Variants in CNTNAP2 observed in about 807,000 individuals in gnomAD.
CNTNAP2 encodes contactin associated protein 2, also known as contactin-associated protein-like 2.
In CNTNAP2, 98 loss-of-function variants were observed where a neutral mutation model predicts 155.2. The observed-to-expected ratio is 0.63, with a 90% confidence interval of 0.54 to 0.75. CNTNAP2 has a LOEUF of 0.75. Among genes scored for constraint, CNTNAP2 ranks in the 30% least tolerant of loss-of-function variants. The pLI is 0.00. For synonymous variants in CNTNAP2, 651 were observed against 631.2 expected (o/e 1.03, Z -0.47); for missense variants, 1,727 against 1,688.1 (o/e 1.02, Z -0.40).
intron 8 of CNTNAP2, among the ~76,000 whole-genome samples, chr7:147,290,069 T>C (rs1206712913): frequency 6.6e-6 from 1 of 152,202 alleles, no homozygotes; most frequent in East Asian, 1.9e-4. Flanking sequence ...TTGGCAACTA[T>C]TGAACCATTT....
Position 146,568,000 on chromosome 7 carries a change from T to C in CNTNAP2, c.98-206271T>C, listed in dbSNP as rs549593159. On this transcript the variant is annotated intron_variant, in intron 1 of 23. Transcript: ENST00000361727. ...TCAAATTTGACAATGTAGAAAACTA[T>C]AATATTTTATTTCAAGAAATGTGTA... Among the ~76,000 whole-genome samples, 94 of 152,294 alleles carry C rather than the reference T, an allele frequency of 6.2e-4. 2 individuals carry two copies. In the South Asian group the frequency reaches 0.014, roughly 22 times the overall value.
intron 11 of CNTNAP2, among the ~76,000 whole-genome samples, chr7:147,509,097 T>C (rs1798968699): frequency 1.3e-5 from 2 of 152,238 alleles, no homozygotes; most frequent in African/African-American, 2.4e-5. Context: ...TATAATGCTT[T>C]GTACACGTCT....
In CNTNAP2 at chr7:148,144,794, C is replaced by G. The variant is rs78280507; in HGVS notation, c.2555-2697C>G. Among the ~76,000 whole-genome samples the G allele has an allele frequency of 1.5e-4, 23 of 152,322 alleles. No individual in the cohort carries two copies. In the East Asian group the frequency reaches 4.3e-3, roughly 28 times the overall value. On this transcript the variant is annotated intron_variant, in intron 16 of 23. Transcript: ENST00000361727. ...AACAGGGCAACACTTCAGTCTCCAA[C>G]TGGAGACACACATTAAGCGAGGACA...
chr7:147,489,304 C>A (rs564678509), intron 11 of CNTNAP2, among the ~76,000 whole-genome samples: 8 of 152,252 alleles, frequency 5.3e-5, no homozygotes, highest in African/African-American at 1.9e-4. Flanking sequence ...GATGAGTAGA[C>A]AACTCAATCC....
chr7:147,588,546 A>G (rs1043807469), intron 12 of CNTNAP2, among the ~76,000 whole-genome samples: 1 of 152,128 alleles, frequency 6.6e-6, no homozygotes, highest in Admixed American at 6.6e-5. Context: ...CTAGGTTTTA[A>G]TTTTTGACTA....
chr7:146,371,004 G>A (rs1383981744), intron 1 of CNTNAP2, among the ~76,000 whole-genome samples: 1 of 151,892 alleles, frequency 6.6e-6, no homozygotes, highest in Non-Finnish European at 1.5e-5. Flanking sequence ...TGATAGCTAA[G>A]AATTTTTAAA....
At chr7:147,532,261 C>T (rs545173682) in intron 11 of CNTNAP2, among the ~76,000 whole-genome samples, 1 of 152,322 alleles carries the variant, frequency 6.6e-6, no homozygotes, top group Non-Finnish European at 1.5e-5. Flanking sequence ...CGTAAATCAA[C>T]TCTCTCAAGT....
rs1013679124 is a variant in CNTNAP2 at position 146,143,308 on chromosome 7, C to T, written c.97+26335C>T. Among the ~76,000 whole-genome samples the T allele has an allele frequency of 3.9e-5, 6 of 152,120 alleles. No homozygotes were observed. In the South Asian group the frequency reaches 1.2e-3, roughly 32 times the overall value. ...ACTGAAACTCACCTTCTTCTGAAGT[C>T]GCAAGTGAGCAAACAGAAATAATGG... On this transcript the variant is annotated intron_variant, in intron 1 of 23. Coordinates refer to ENST00000361727, the MANE Select transcript of CNTNAP2 (RefSeq NM_014141.6).
chr7:146,920,977 G>A (rs964088853), intron 3 of CNTNAP2, among the ~76,000 whole-genome samples: 3 of 152,076 alleles, frequency 2.0e-5, no homozygotes, highest in African/African-American at 7.2e-5. Flanking sequence ...AAATGGTAGG[G>A]CATATTTTAG....
At chr7:146,208,929 A>C (rs1267332134) in intron 1 of CNTNAP2, 1 of 152,100 alleles carries the variant, frequency 6.6e-6, no homozygotes, top group Non-Finnish European at 1.5e-5. Context: ...GGTGTTTCCC[A>C]GTCTGAGTTT....
At chr7:148,216,619 A>C (rs933199664) in intron 18 of CNTNAP2, among the ~76,000 whole-genome samples, 3 of 152,130 alleles carry the variant, frequency 2.0e-5, no homozygotes, top group Non-Finnish European at 2.9e-5. Flanking sequence ...GAGTACATGA[A>C]ATTTTTTTCA....
At chr7:147,523,895 C>T (rs1799271754) in intron 11 of CNTNAP2, among the ~76,000 whole-genome samples, 1 of 152,220 alleles carries the variant, frequency 6.6e-6, no homozygotes, top group Admixed American at 6.5e-5. Context: ...GTGAATCTCA[C>T]TCACTTGCCC....
At chr7:146,121,227 C>T (rs1038362405) in intron 1 of CNTNAP2, among the ~76,000 whole-genome samples, 9 of 145,186 alleles carry the variant, frequency 6.2e-5, no homozygotes, top group African/African-American at 2.3e-4. Context: ...CTCCTGGGTT[C>T]ACGCCATTCT....
At chr7:147,903,506 G>A in intron 13 of CNTNAP2, 59 bp from the exon 14 acceptor site, 2 of 1,563,364 alleles carry the variant, frequency 1.3e-6, no homozygotes, top group Non-Finnish European at 1.8e-6. Flanking sequence ...GTGTAAGTGT[G>A]GCAGTCTAAT....
intron 13 of CNTNAP2, among the ~76,000 whole-genome samples, chr7:147,808,053 T>C (rs991079888): frequency 6.6e-6 from 1 of 152,148 alleles, no homozygotes; most frequent in Non-Finnish European, 1.5e-5. Context: ...TGACTTGACA[T>C]GTCTGGGACC....
chr7:148,386,068 G>GTATT (rs1164201523), intron 22 of CNTNAP2, among the ~76,000 whole-genome samples: 2 of 152,152 alleles, frequency 1.3e-5, no homozygotes, highest in African/African-American at 2.4e-5. Context: ...GAACATATCT[G>GTATT]TATTTGATGT....
intron 13 of CNTNAP2, among the ~76,000 whole-genome samples, chr7:147,676,363 T>C (rs1044476565): frequency 2.0e-5 from 3 of 152,000 alleles, no homozygotes; most frequent in African/African-American, 7.2e-5. Flanking sequence ...CAAACTCTAT[T>C]TTATTTAGTA....
chr7:146,495,826 A>C (rs554564595), intron 1 of CNTNAP2, among the ~76,000 whole-genome samples: 1 of 152,276 alleles, frequency 6.6e-6, no homozygotes, highest in African/African-American at 2.4e-5. Context: ...AGGTAGGCTT[A>C]TGGGTACAAG....
intron 21 of CNTNAP2, among the ~76,000 whole-genome samples, chr7:148,281,789 G>A (rs1796976685): frequency 6.6e-6 from 1 of 150,888 alleles, no homozygotes; most frequent in African/African-American, 2.4e-5. Flanking sequence ...GGCCCAGAAA[G>A]GTTAAATGAA....
Sources: gnomAD v4.1 joint callset for allele counts (sites outside exome capture counted in the v4.1 genomes callset) on GRCh38, gnomAD v4.1.1 for gene constraint, MANE v1.5 for transcripts, NCBI Gene and HGNC (gene_info 2026-07-23, HGNC 2026-07-21) for gene names.